The following NTSR1 variants were observed in gnomAD, a reference collection of about 807,000 sequenced individuals.
NTSR1 encodes the protein neurotensin receptor type 1.
Under a neutral mutation model 31.2 loss-of-function variants are expected in NTSR1, and 29 were observed. The observed-to-expected ratio is 0.93, with a 90% CI of 0.69 to 1.27. The LOEUF is 1.27. Ranked by LOEUF, NTSR1 falls within the 50% of genes most tolerant of loss-of-function variation. NTSR1 has a pLI of 0.00. For synonymous variants in NTSR1, 282 were observed against 269.9 expected, an observed-to-expected ratio of 1.04 and a Z score of -0.44; for missense variants, 697 against 595.4, an observed-to-expected ratio of 1.17 and a Z score of -1.78.
intron 1 of NTSR1, among the ~76,000 whole-genome samples, chr20:62,746,253 G>A (rs1203099582): frequency 6.6e-6 from 1 of 152,220 alleles, no homozygotes; most frequent in African/African-American, 2.4e-5. Flanking sequence ...TCTGCCAGGA[G>A]AGCTTAGGGT....
At chr20:62,719,021 G>A in intron 1 of NTSR1, among the ~76,000 whole-genome samples, 1 of 151,908 alleles carries the variant, frequency 6.6e-6, no homozygotes, top group Non-Finnish European at 1.5e-5. Flanking sequence ...GCCAGCTCCT[G>A]GTCTTGCCTC....
At chr20:62,736,073 C>T (rs1298052538) in intron 1 of NTSR1, among the ~76,000 whole-genome samples, 1 of 152,256 alleles carries the variant, frequency 6.6e-6, no homozygotes, top group African/African-American at 2.4e-5. Context: ...GTGGTGATCA[C>T]AAAAGCCGGG....
chr20:62,750,690 CAAAAAAAAAAA>C lies in NTSR1; in HGVS notation c.715-3983_715-3973del, dbSNP rs59850535. Among the ~76,000 whole-genome samples the C allele has an allele frequency of 3.3e-4, 18 of 55,152 alleles. 1 individual carries two copies. In the Admixed American group the frequency reaches 3.6e-3, roughly 11 times the overall value. 36.2% of individuals were successfully genotyped at this position (55,152 alleles called of 152,430 possible). A position where few individuals can be genotyped will look rare whatever the true frequency, so the allele number is the denominator to read the frequency against. On this transcript the variant is annotated intron_variant, in intron 1 of 3. Coordinates refer to ENST00000370501, the MANE Select transcript of NTSR1 (RefSeq NM_002531.3). ...TGGGCGACAGAGCGAGACTCCGTCT[CAAAAAAAAAAA>C]AAAAAAAAAAACAATACTGCATTGC...
At chr20:62,750,276 A>T (rs1038446702) in intron 1 of NTSR1, among the ~76,000 whole-genome samples, 1 of 152,228 alleles carries the variant, frequency 6.6e-6, no homozygotes, top group South Asian at 2.1e-4. Context: ...AGAGCAGAGC[A>T]CTGAGTGCTG....
In NTSR1 at chr20:62,744,291, G is replaced by A. The variant is rs1002017983; in HGVS notation, c.715-10394G>A. Among the ~76,000 whole-genome samples, 25 of 152,252 alleles carry A rather than the reference G, an allele frequency of 1.6e-4. No individual in the cohort carries two copies. Among genetic ancestry groups the A allele is most frequent in the African/African-American group, 5.5e-4 (23 of 41,534 alleles). On this transcript the variant is annotated intron_variant, in intron 1 of 3. Coordinates refer to ENST00000370501, the MANE Select transcript of NTSR1 (RefSeq NM_002531.3). The surrounding 1 kb of genome is among the most constrained non-coding windows in gnomAD (Gnocchi z 4.1). ...GCTGAGGGGCTGGACGCAGTGGCTC[G>A]TGTTTGTAATCCCAGCACTTTGGGA...
rs1442349827 is a variant in NTSR1 at position 62,742,987 on chromosome 20, G to A, written c.715-11698G>A. On this transcript the variant is annotated intron_variant, in intron 1 of 3. Coordinates refer to ENST00000370501, the MANE Select transcript of NTSR1 (RefSeq NM_002531.3). The surrounding 1 kb of genome is among the most constrained non-coding windows in gnomAD (Gnocchi z 7.1). ...ACGTTCTCTGAGTTTAGCTTTGTTTGTGTAGGTAGTTCACTGTGGGAGTCT... is the reference window on the plus strand; with the variant it reads ...ACGTTCTCTGAGTTTAGCTTTGTTTATGTAGGTAGTTCACTGTGGGAGTCT... 1.3e-5 allele frequency among the ~76,000 whole-genome samples: 2 copies of A among 149,608 alleles called. 1 individual carries two copies. Among genetic ancestry groups the A allele is most frequent in the Admixed American group, 1.3e-4 (2 of 14,904 alleles).
rs574797517 is a variant in NTSR1, at chr20:62,711,144, G to A, written c.714+1223G>A. 6.6e-6 allele frequency among the ~76,000 whole-genome samples: 1 copy of A among 152,114 alleles called. No individual in the cohort carries two copies. Among genetic ancestry groups the A allele is most frequent in the South Asian group, 2.1e-4 (1 of 4,822 alleles). On this transcript the variant is annotated intron_variant, in intron 1 of 3. Coordinates refer to ENST00000370501, the MANE Select transcript of NTSR1 (RefSeq NM_002531.3). This position sits in a 1 kb window ranked among gnomAD's most constrained non-coding sequence, Gnocchi z 6.4. ...CCACTGGCCACCACCCAGGTGGGCT[G>A]GGGGGTGGAGGAGGGTAGAACTGAG... is the stretch of plus-strand genomic sequence containing the variant.
At chr20:62,718,140 G>A (rs910520657) in intron 1 of NTSR1, among the ~76,000 whole-genome samples, 4 of 152,216 alleles carry the variant, frequency 2.6e-5, no homozygotes, top group Admixed American at 6.5e-5. Flanking sequence ...GAGAAGCCAC[G>A]GGCAGATCAT....
Position 62,744,807 on chromosome 20 carries a change from C to A in NTSR1, c.715-9878C>A, listed in dbSNP as rs8115250. On this transcript the variant is annotated intron_variant, in intron 1 of 3. Coordinates refer to ENST00000370501, the MANE Select transcript of NTSR1 (RefSeq NM_002531.3). The surrounding 1 kb of genome is among the most constrained non-coding windows in gnomAD (Gnocchi z 4.1). ...CAGCTGGCCAGGGAACAAGCCAGGC[C>A]CCCACTTCTGGCACCAAACCCCAGG... Among the ~76,000 whole-genome samples the A allele has an allele frequency of 1.7e-3, 265 of 152,254 alleles. 6 individuals are homozygous for A. Among genetic ancestry groups the A allele is most frequent in the African/African-American group, 5.6e-3 (233 of 41,536 alleles).
At chr20:62,739,187 C>T (rs934493026) in intron 1 of NTSR1, among the ~76,000 whole-genome samples, 1 of 152,196 alleles carries the variant, frequency 6.6e-6, no homozygotes, top group African/African-American at 2.4e-5. Flanking sequence ...CTCTCCAGGA[C>T]ACTTCCGGGC....
chr20:62,748,765 T>C (rs1267923924), intron 1 of NTSR1, among the ~76,000 whole-genome samples: 4 of 152,048 alleles, frequency 2.6e-5, no homozygotes, highest in East Asian at 1.9e-4. Context: ...CCCTCATGAA[T>C]GGATTAATCC....
chr20:62,730,578 AC>A (rs1309387033), intron 1 of NTSR1, among the ~76,000 whole-genome samples: 3 of 152,244 alleles, frequency 2.0e-5, no homozygotes, highest in East Asian at 3.9e-4. Flanking sequence ...TGTGGCTTTC[AC>A]CCCTTTGGGA....
intron 1 of NTSR1, among the ~76,000 whole-genome samples, chr20:62,710,960 TC>T (rs373659595): frequency 5.3e-5 from 8 of 152,080 alleles, no homozygotes; most frequent in Admixed American, 1.3e-4. Flanking sequence ...TGGCTGGCTG[TC>T]CCCCCAACTC....
At chr20:62,722,820 C>A (rs1988845566) in intron 1 of NTSR1, among the ~76,000 whole-genome samples, 1 of 152,228 alleles carries the variant, frequency 6.6e-6, no homozygotes, top group Non-Finnish European at 1.5e-5. Flanking sequence ...GAGAGCTAGT[C>A]CAGTACCCCT....
intron 1 of NTSR1, among the ~76,000 whole-genome samples, chr20:62,734,163 G>A (rs1041542568): frequency 6.6e-5 from 10 of 152,228 alleles, no homozygotes; most frequent in African/African-American, 1.9e-4. Context: ...GCTCAGCCAC[G>A]TGGGTTACTA....
At chr20:62,755,353 C>G in intron 2 of NTSR1, among the ~76,000 whole-genome samples, 1 of 50,618 alleles carries the variant, frequency 2.0e-5, no homozygotes, top group Non-Finnish European at 4.0e-5. Flanking sequence ...CCATCCCTCT[C>G]TCCCTTCCTC....
At chr20:62,712,389 CAG>C (rs1304195311) in intron 1 of NTSR1, among the ~76,000 whole-genome samples, 1 of 152,254 alleles carries the variant, frequency 6.6e-6, no homozygotes, top group East Asian at 1.9e-4. Flanking sequence ...CTTTCCAAAA[CAG>C]GGGTCCTTTC....
intron 1 of NTSR1, among the ~76,000 whole-genome samples, chr20:62,722,863 C>T (rs769636736): frequency 9.9e-5 from 15 of 152,180 alleles, no homozygotes; most frequent in Admixed American, 2.0e-4. Context: ...TAAACACTGC[C>T]TACTTTCAAA....
chr20:62,750,505 A>G (rs113564061), intron 1 of NTSR1, among the ~76,000 whole-genome samples: 2,151 of 152,120 alleles, frequency 0.014, 46 homozygotes, highest in African/African-American at 0.048. Flanking sequence ...CCTGGCTAAC[A>G]TGGTGAAACC....
Sources: allele counts gnomAD v4.1 joint callset (sites outside exome capture counted in the v4.1 genomes callset), GRCh38; gene constraint gnomAD v4.1.1; non-coding constraint Gnocchi (gnomAD v3.1); transcripts MANE v1.5; gene names NCBI Gene and HGNC (gene_info 2026-07-23, HGNC 2026-07-21).